Variants in SGMS1 observed in about 807,000 individuals in gnomAD.
SGMS1 encodes sphingomyelin synthase 1, also known as phosphatidylcholine:ceramide cholinephosphotransferase 1.
In SGMS1, 13 loss-of-function variants were observed where a neutral mutation model predicts 46.2. The observed-to-expected ratio is 0.28, with a 90% CI of 0.18 to 0.45. SGMS1 has a LOEUF of 0.45. Among genes scored for constraint, SGMS1 ranks in the 20% least tolerant of loss-of-function variants. SGMS1 has a pLI of 1.00. For synonymous variants in SGMS1, 203 were observed against 187.8 expected (o/e 1.08, Z -0.66); for missense variants, 324 against 519.9 (o/e 0.62, Z 3.66).
chr10:50,331,236 G>T (rs182818858), intron 7 of SGMS1, among the ~76,000 whole-genome samples: 5 of 152,288 alleles, frequency 3.3e-5, no homozygotes. Flanking sequence ...ACCAAGCTCT[G>T]TGTCATTTAC....
intron 3 of SGMS1, among the ~76,000 whole-genome samples, chr10:50,507,776 G>C (rs1017760798): frequency 6.6e-6 from 1 of 152,146 alleles, no homozygotes; most frequent in East Asian, 1.9e-4. Flanking sequence ...GCAATTACAC[G>C]CACTTAGTGA....
intron 3 of SGMS1, among the ~76,000 whole-genome samples, chr10:50,475,145 C>G (rs1837409029): frequency 6.6e-6 from 1 of 152,102 alleles, no homozygotes; most frequent in South Asian, 2.1e-4. Context: ...TCAGTAATTA[C>G]AAATAATTCT....
intron 6 of SGMS1, among the ~76,000 whole-genome samples, chr10:50,370,862 T>C (rs922961729): frequency 6.6e-6 from 1 of 152,012 alleles, no homozygotes; most frequent in African/African-American, 2.4e-5. Flanking sequence ...TTCGGGGCAA[T>C]AACATGCATG....
At chr10:50,552,964 G>A (rs1170212481) in intron 2 of SGMS1, among the ~76,000 whole-genome samples, 1 of 152,202 alleles carries the variant, frequency 6.6e-6, no homozygotes, top group Admixed American at 6.5e-5. Context: ...TAAACTGGTA[G>A]AGGCAAAGAT....
intron 1 of SGMS1, among the ~76,000 whole-genome samples, chr10:50,594,925 A>G (rs940751534): frequency 2.6e-5 from 4 of 152,212 alleles, no homozygotes; most frequent in African/African-American, 7.2e-5. Flanking sequence ...GTTTATTCCC[A>G]TCTTGTAGAT....
chr10:50,537,717 A>T (rs1488395235), intron 2 of SGMS1, among the ~76,000 whole-genome samples: 1 of 147,488 alleles, frequency 6.8e-6, no homozygotes, highest in Non-Finnish European at 1.5e-5. Flanking sequence ...GTAGTTTTTG[A>T]AATAGGAATG....
At chr10:50,420,732 G>A (rs1849244260) in intron 6 of SGMS1, among the ~76,000 whole-genome samples, 1 of 152,220 alleles carries the variant, frequency 6.6e-6, no homozygotes. Flanking sequence ...TAAAGCTTAA[G>A]TGTATATGAA....
intron 4 of SGMS1, among the ~76,000 whole-genome samples, chr10:50,465,866 C>G (rs1459692729): frequency 6.6e-6 from 1 of 151,138 alleles, no homozygotes; most frequent in Non-Finnish European, 1.5e-5. Context: ...AAACAGTTCA[C>G]AAACAACCAA....
At chr10:50,611,866 A>C (rs925722330) in intron 1 of SGMS1, among the ~76,000 whole-genome samples, 1 of 151,894 alleles carries the variant, frequency 6.6e-6, no homozygotes, top group Non-Finnish European at 1.5e-5. Context: ...CCTCAGACAC[A>C]CTGGCACCCC....
chr10:50,535,604 G>C (rs61858108), intron 2 of SGMS1, among the ~76,000 whole-genome samples: 1 of 151,936 alleles, frequency 6.6e-6, no homozygotes, highest in Non-Finnish European at 1.5e-5. Context: ...TCTTGACTTC[G>C]TGATCCACCC....
At chr10:50,447,313 C>A (rs10159614) in intron 5 of SGMS1, among the ~76,000 whole-genome samples, 4,228 of 152,132 alleles carry the variant, frequency 0.028, 85 homozygotes, top group East Asian at 0.057. Flanking sequence ...AAATTTTACA[C>A]CCTGCTGTTA....
intron 2 of SGMS1, among the ~76,000 whole-genome samples, chr10:50,548,543 C>T (rs1248932565): frequency 6.6e-6 from 1 of 152,076 alleles, no homozygotes; most frequent in Non-Finnish European, 1.5e-5. Context: ...TTCCTTACAC[C>T]ATATACAAAA....
chr10:50,532,493 T>C (rs968847686), intron 2 of SGMS1, among the ~76,000 whole-genome samples: 11 of 152,190 alleles, frequency 7.2e-5, no homozygotes, highest in Non-Finnish European at 8.8e-5. Flanking sequence ...TTGGTGGTGT[T>C]TTTGTCATCA....
rs146010493 is a variant in SGMS1, at chr10:50,496,712, G to T, written c.-498+23119C>A. Among the ~76,000 whole-genome samples, 830 of 152,226 alleles carry T rather than the reference G, an allele frequency of 5.5e-3. 6 individuals carry two copies. The highest frequency in any genetic ancestry group is 8.1e-3 in the Non-Finnish European group (551 of 68,016). On this transcript the variant is annotated intron_variant, in intron 3 of 10. Transcript: ENST00000361781. ...CCATGGCTTTGGGAGAATAAAAACAGCTCCTCTCTACCAGTACCTAGGCCT... is the reference window on the plus strand; with the variant it reads ...CCATGGCTTTGGGAGAATAAAAACATCTCCTCTCTACCAGTACCTAGGCCT...
chr10:50,521,359 C>G (rs1489152509), intron 2 of SGMS1, among the ~76,000 whole-genome samples: 9 of 152,100 alleles, frequency 5.9e-5, no homozygotes, highest in Non-Finnish European at 1.2e-4. Flanking sequence ...CAATACAACA[C>G]AGCATTTTAC....
At chr10:50,421,655 G>T (rs1849255715) in intron 6 of SGMS1, among the ~76,000 whole-genome samples, 1 of 152,118 alleles carries the variant, frequency 6.6e-6, no homozygotes, top group South Asian at 2.1e-4. Context: ...AACATATTTG[G>T]ATAACACACT....
At chr10:50,326,246 G>T (rs956327177) in intron 8 of SGMS1, among the ~76,000 whole-genome samples, 3 of 152,102 alleles carry the variant, frequency 2.0e-5, no homozygotes, top group Admixed American at 6.5e-5. Flanking sequence ...GTTTAGCAAA[G>T]AAAAGAGCCA....
chr10:50,470,410 A>G (rs950633151), intron 3 of SGMS1, among the ~76,000 whole-genome samples: 25 of 151,952 alleles, frequency 1.6e-4, no homozygotes, highest in African/African-American at 6.0e-4. Context: ...CAATAAACAG[A>G]GTTTAACTGA....
chr10:50,376,048 C>T (rs376258306), intron 6 of SGMS1, among the ~76,000 whole-genome samples: 1 of 152,030 alleles, frequency 6.6e-6, no homozygotes, highest in African/African-American at 2.4e-5. Flanking sequence ...TGGTCTCATG[C>T]TTTTATTTCT....
Sources: gnomAD v4.1 joint callset for allele counts (sites outside exome capture counted in the v4.1 genomes callset) on GRCh38, gnomAD v4.1.1 for gene constraint, MANE v1.5 for transcripts, NCBI Gene and HGNC (gene_info 2026-07-23, HGNC 2026-07-21) for gene names.